Variants in PLOD2 observed in about 807,000 individuals in gnomAD.
The protein encoded by PLOD2 is procollagen-lysine,2-oxoglutarate 5-dioxygenase 2, also known as lysine hydroxylase 2.
Under a neutral mutation model 101.0 loss-of-function variants are expected in PLOD2, and 65 were observed. That is an observed-to-expected ratio of 0.64 (90% CI 0.53 to 0.79). The LOEUF (loss-of-function observed/expected upper bound fraction) is 0.79. Ranked by LOEUF, PLOD2 falls within the 30% of genes least tolerant of loss-of-function variation. PLOD2 has a pLI of 0.00. For missense variants in PLOD2, 909 were observed against 914.6 expected, an observed-to-expected ratio of 0.99 and a Z score of 0.08; for synonymous variants, 314 against 302.9, an observed-to-expected ratio of 1.04 and a Z score of -0.38.
chr3:146,109,979 G>A (rs1937599479), intron 4 of PLOD2, among the ~76,000 whole-genome samples: 1 of 152,000 alleles, frequency 6.6e-6, no homozygotes, highest in African/African-American at 2.4e-5. Flanking sequence ...AATTCTCAAT[G>A]TGTCATAATT....
chr3:146,116,444 G>A (rs371306064), intron 3 of PLOD2, among the ~76,000 whole-genome samples: 1 of 152,186 alleles, frequency 6.6e-6, no homozygotes, highest in East Asian at 1.9e-4. Context: ...GAACCATCCT[G>A]GCATTCCTGG....
intron 3 of PLOD2, among the ~76,000 whole-genome samples, chr3:146,120,879 G>A (rs574422050): frequency 2.4e-4 from 37 of 151,950 alleles, no homozygotes; most frequent in Admixed American, 2.2e-3. Context: ...CTGCCACCAC[G>A]CCCGGCTAAT....
chr3:146,140,377 A>G (rs919520200), intron 1 of PLOD2, among the ~76,000 whole-genome samples: 1 of 152,042 alleles, frequency 6.6e-6, no homozygotes. Context: ...TCCCCAGTGA[A>G]GTCTGATTTC....
chr3:146,095,272 T>C (rs1167275041), intron 7 of PLOD2, among the ~76,000 whole-genome samples: 1 of 151,022 alleles, frequency 6.6e-6, no homozygotes, highest in Non-Finnish European at 1.5e-5. Context: ...ATCATCAGAG[T>C]GAACAGGCAA....
At chr3:146,109,579 G>A (rs1937592325) in intron 4 of PLOD2, among the ~76,000 whole-genome samples, 1 of 152,154 alleles carries the variant, frequency 6.6e-6, no homozygotes, top group African/African-American at 2.4e-5. Flanking sequence ...TACCCAATTT[G>A]TTTCTCTAAC....
At chr3:146,152,946 T>C (rs2032129561) in intron 1 of PLOD2, among the ~76,000 whole-genome samples, 1 of 152,168 alleles carries the variant, frequency 6.6e-6, no homozygotes, top group African/African-American at 2.4e-5. Flanking sequence ...TCCAACCTTG[T>C]CTAAACTAAA....
intron 1 of PLOD2, among the ~76,000 whole-genome samples, chr3:146,151,412 G>C (rs1043483606): frequency 1.3e-5 from 2 of 152,000 alleles, no homozygotes; most frequent in Admixed American, 6.6e-5. Flanking sequence ...CAGAAGAATC[G>C]CTTGAACCCG....
chr3:146,117,865 CCTT>C (rs1937983561), intron 3 of PLOD2, among the ~76,000 whole-genome samples: 2 of 151,960 alleles, frequency 1.3e-5, no homozygotes, highest in African/African-American at 4.8e-5. Flanking sequence ...ATCACAGTGT[CCTT>C]CTTCTCATGA....
chr3:146,150,747 T>C (rs1650295975), intron 1 of PLOD2, among the ~76,000 whole-genome samples: 1 of 152,024 alleles, frequency 6.6e-6, no homozygotes, highest in Admixed American at 6.5e-5. Flanking sequence ...AAAAAAAAGT[T>C]ACCAGCATAA....
chr3:146,085,567 G>GCATACATA (rs760664729), intron 10 of PLOD2: 1 of 461,946 alleles, frequency 2.2e-6, no homozygotes. Context: ...AAATGTTTCT[G>GCATACATA]CATACATACA....
intron 15 of PLOD2, chr3:146,076,007 G>A (rs1022796456): frequency 6.6e-6 from 1 of 151,632 alleles, no homozygotes; most frequent in African/African-American, 2.4e-5. Context: ...TATAATGCAT[G>A]ATGCTAAGGT....
intron 1 of PLOD2, among the ~76,000 whole-genome samples, chr3:146,145,857 T>C (rs1178379840): frequency 1.3e-5 from 2 of 152,084 alleles, no homozygotes; most frequent in Non-Finnish European, 2.9e-5. Flanking sequence ...TACTGAAAGT[T>C]ATAGGGTGCT....
rs1389500157 is a variant in PLOD2, at chr3:146,161,118, C to T, written c.-129G>A. On this transcript the variant is annotated 5_prime_UTR_variant, in exon 1 of 20. Transcript: ENST00000282903. ...CGGGCGGGAGCCGGCGGGCAAGGCG[C>T]GCGGCCGGCAGCCGGAGCGGCGCGT... is the stretch of plus-strand genomic sequence containing the variant. 8.2e-6 allele frequency: 4 copies of T among 488,012 alleles called. No homozygotes were observed. The highest frequency in any genetic ancestry group is 1.0e-4 in the South Asian group (2 of 19,452). The allele number at this position is 488,012 out of a possible 1,614,324, so 30.2% of individuals were successfully genotyped here.
chr3:146,143,791 T>C (rs900346111), intron 1 of PLOD2, among the ~76,000 whole-genome samples: 1 of 152,102 alleles, frequency 6.6e-6, no homozygotes, highest in Non-Finnish European at 1.5e-5. Flanking sequence ...TTCACACACA[T>C]ATCTTGCGTT....
rs143403251 is a variant in PLOD2, at chr3:146,128,295, C to T, written c.110-4066G>A. 4.1e-3 allele frequency among the ~76,000 whole-genome samples: 620 copies of T among 152,150 alleles called. 7 individuals are homozygous for T. Among genetic ancestry groups the T allele is most frequent in the African/African-American group, 0.014 (598 of 41,526 alleles). On this transcript the variant is annotated intron_variant, in intron 1 of 19. Transcript: ENST00000282903. The stretch of plus-strand genomic sequence containing the variant: ...ACAGCAAAAGCTATCTCATTTTCTT[C>T]GTTTCAGCAAGATACCTGGCACCAT...
intron 1 of PLOD2, among the ~76,000 whole-genome samples, chr3:146,138,676 A>C (rs2031367881): frequency 6.6e-6 from 1 of 152,184 alleles, no homozygotes; most frequent in Non-Finnish European, 1.5e-5. Context: ...GTCAGAATGA[A>C]TAGACTGTGC....
In PLOD2 at chr3:146,110,457, T is replaced by C; in HGVS notation, c.339-9A>G. ...CAAATATGACATCAAAGCTGTTCAA[T>C]GAGGAAAAAATGTGTTTTAAAATAC... On this transcript the variant is annotated splice_polypyrimidine_tract_variant and intron_variant, in intron 3 of 19. Transcript: ENST00000282903. 6.3e-7 allele frequency: 1 copy of C among 1,587,034 alleles called. No individual in the cohort carries two copies. Among genetic ancestry groups the C allele is most frequent in the Non-Finnish European group, 8.6e-7 (1 of 1,167,312 alleles).
At chr3:146,084,657 G>A (rs1240040454) in intron 11 of PLOD2, among the ~76,000 whole-genome samples, 3 of 151,974 alleles carry the variant, frequency 2.0e-5, no homozygotes, top group Non-Finnish European at 4.4e-5. Context: ...TGATATACAT[G>A]GTGTCTTTTT....
At chr3:146,140,830 A>G (rs1017748692) in intron 1 of PLOD2, among the ~76,000 whole-genome samples, 1 of 152,048 alleles carries the variant, frequency 6.6e-6, no homozygotes, top group Non-Finnish European at 1.5e-5. Context: ...ATATTTTCCA[A>G]TGATAGGGTA....
Sources: gnomAD v4.1 joint callset for allele counts (sites outside exome capture counted in the v4.1 genomes callset) on GRCh38, gnomAD v4.1.1 for gene constraint, MANE v1.5 for transcripts, NCBI Gene and HGNC (gene_info 2026-07-23, HGNC 2026-07-21) for gene names.